The following ARK2N variants were observed in gnomAD, a reference collection of about 807,000 sequenced individuals.
ARK2N encodes the protein arkadia (RNF111) N-terminal like PKA signaling regulator 2N.
At chr18:46,196,900 A>G in the ARK2N span, among the ~76,000 whole-genome samples, 36 of 152,320 alleles carry the variant, frequency 2.4e-4, no homozygotes, top group South Asian at 2.7e-3. Context: ...CCTCTCCAAG[A>G]GTGCCCTCAT....
the ARK2N span, among the ~76,000 whole-genome samples, chr18:46,201,059 A>C: frequency 6.8e-6 from 1 of 147,450 alleles, no homozygotes; most frequent in African/African-American, 2.5e-5. Context: ...AGCTCACTGC[A>C]TCCTCAACCT....
the ARK2N span, among the ~76,000 whole-genome samples, chr18:46,262,708 G>A: frequency 3.3e-5 from 5 of 152,088 alleles, no homozygotes; most frequent in African/African-American, 1.2e-4. Flanking sequence ...AAGACCCTTG[G>A]CCTTTTTAAG....
chr18:46,217,056 T>C, the ARK2N span: 1 of 153,968 alleles, frequency 6.5e-6, no homozygotes, highest in Admixed American at 6.4e-5. Flanking sequence ...TTTCTAATAA[T>C]TTTTCCTCCA....
the ARK2N span, among the ~76,000 whole-genome samples, chr18:46,203,482 G>T: frequency 2.6e-5 from 4 of 152,166 alleles, no homozygotes; most frequent in South Asian, 8.3e-4. Flanking sequence ...GGATGCTTCT[G>T]GGGTGTTGGG....
chr18:46,225,681 C>G, the ARK2N span, among the ~76,000 whole-genome samples: 1 of 152,134 alleles, frequency 6.6e-6, no homozygotes, highest in Admixed American at 6.5e-5. Flanking sequence ...AAGCTGGTCT[C>G]GAACTCCTGA....
chr18:46,220,067 G>A, the ARK2N span, among the ~76,000 whole-genome samples: 85 of 152,302 alleles, frequency 5.6e-4, no homozygotes, highest in African/African-American at 2.0e-3. Flanking sequence ...TAGCAGAGTG[G>A]ACCTCCATAC....
chr18:46,221,466 A>G, the ARK2N span, among the ~76,000 whole-genome samples: 1 of 150,002 alleles, frequency 6.7e-6, no homozygotes, highest in Non-Finnish European at 1.5e-5. Context: ...AGGCTGAGGC[A>G]GGAGAATCAC....
At chr18:46,207,042 C>G in the ARK2N span, among the ~76,000 whole-genome samples, 3 of 152,142 alleles carry the variant, frequency 2.0e-5, no homozygotes, top group Non-Finnish European at 4.4e-5. Context: ...TCCCAAAGTG[C>G]TGGGATTATA....
the ARK2N span, among the ~76,000 whole-genome samples, chr18:46,199,482 ATT>A: frequency 0.015 from 1,217 of 82,406 alleles, 24 homozygotes; most frequent in African/African-American, 0.042. Context: ...CACCCAGCTC[ATT>A]TTTTTTTTTT....
chr18:46,222,803 G>A, the ARK2N span, among the ~76,000 whole-genome samples: 1 of 152,076 alleles, frequency 6.6e-6, no homozygotes, highest in Non-Finnish European at 1.5e-5. Context: ...CGTAGCCACG[G>A]CTTCCCCTAC....
the ARK2N span, among the ~76,000 whole-genome samples, chr18:46,194,957 C>T: frequency 0.017 from 2,646 of 151,328 alleles, 84 homozygotes; most frequent in African/African-American, 0.06. Flanking sequence ...TGTGCTACCA[C>T]GCCTGGCTAA....
the ARK2N span, among the ~76,000 whole-genome samples, chr18:46,240,511 C>A: frequency 6.6e-6 from 1 of 152,072 alleles, no homozygotes; most frequent in Non-Finnish European, 1.5e-5. Flanking sequence ...TATTCTTTGG[C>A]CAGTTCTTTC....
At chr18:46,209,829 C>T in the ARK2N span, among the ~76,000 whole-genome samples, 5 of 152,066 alleles carry the variant, frequency 3.3e-5, no homozygotes, top group Admixed American at 1.3e-4. Flanking sequence ...CCCCTGACCT[C>T]GTGATCCGCC....
the ARK2N span, among the ~76,000 whole-genome samples, chr18:46,241,926 C>T: frequency 6.6e-6 from 1 of 151,996 alleles, no homozygotes; most frequent in South Asian, 2.1e-4. Flanking sequence ...AAGCGATTCT[C>T]CTGCCTCAGG....
the ARK2N span, among the ~76,000 whole-genome samples, chr18:46,258,319 G>A: frequency 1.3e-5 from 2 of 152,178 alleles, no homozygotes; most frequent in African/African-American, 4.8e-5. Flanking sequence ...TTAGGAAAAA[G>A]AAGTAGAAAT....
the ARK2N span, chr18:46,263,391 T>G: frequency 3.7e-6 from 1 of 273,812 alleles, no homozygotes; most frequent in Non-Finnish European, 6.9e-6. Flanking sequence ...ACTTGGTGAC[T>G]TTTAATCTTA....
the ARK2N span, chr18:46,216,010 G>T: frequency 1.3e-5 from 21 of 1,614,172 alleles, no homozygotes; most frequent in East Asian, 4.7e-4. This position sits in a 1 kb window ranked among gnomAD's most constrained non-coding sequence, Gnocchi z 4.3. Context: ...AGTTCAGAAA[G>T]ATGGTGTAGC....
chr18:46,223,962 AAT>A, the ARK2N span, among the ~76,000 whole-genome samples: 1 of 152,226 alleles, frequency 6.6e-6, no homozygotes, highest in South Asian at 2.1e-4. Flanking sequence ...GGTCCCTTAG[AAT>A]GAAGAGTTCA....
At chr18:46,204,935 T>A in the ARK2N span, among the ~76,000 whole-genome samples, 1 of 151,522 alleles carries the variant, frequency 6.6e-6, no homozygotes, top group Non-Finnish European at 1.5e-5. Flanking sequence ...TTTTCTTTTT[T>A]TTTTTATTTT....
Sources: allele counts gnomAD v4.1 joint callset (sites outside exome capture counted in the v4.1 genomes callset), GRCh38; gene constraint gnomAD v4.1.1; non-coding constraint Gnocchi (gnomAD v3.1); transcripts MANE v1.5; gene names NCBI Gene and HGNC (gene_info 2026-07-23, HGNC 2026-07-21).